Variants in WDR73 observed in about 807,000 individuals in gnomAD.
WDR73 encodes the protein WD repeat domain 73.
In WDR73, 30 loss-of-function variants were observed where a neutral mutation model predicts 38.2. The observed-to-expected ratio is 0.79, with a 90% CI of 0.59 to 1.06. The LOEUF (loss-of-function observed/expected upper bound fraction) is 1.06, where lower values mean the gene tolerates loss of function less well. Ranked by LOEUF, WDR73 falls within the 50% of genes least tolerant of loss-of-function variation. The probability of loss-of-function intolerance (pLI) is 0.00; values close to 1 mark genes in which losing one functional copy is unlikely to be tolerated. For synonymous variants in WDR73, 197 were observed against 176.0 expected (o/e 1.12, Z -0.94); for missense variants, 487 against 467.0 (o/e 1.04, Z -0.40).
chr15:84,652,519 C>T lies in WDR73; in HGVS notation c.198+195G>A, dbSNP rs1896655914. 2.0e-5 allele frequency among the ~76,000 whole-genome samples: 3 copies of T among 152,172 alleles called. No homozygotes were observed. The South Asian group carries it at 6.2e-4, about 31-fold the overall frequency. ...ATAACTGACCTCCTCCTCTGATAGC[C>T]CTCTGTAAACCACGAGACATTCTAC... On this transcript the variant is annotated intron_variant, in intron 3 of 7. Transcript: ENST00000434634.
chr15:84,646,170 A>G lies in WDR73; in HGVS notation c.517+14T>C. On this transcript the variant is annotated intron_variant, in intron 6 of 7. Coordinates refer to ENST00000434634, the MANE Select transcript of WDR73 (RefSeq NM_032856.5). ...CGGCTGGAGCAGCAAGCAAGGGACA[A>G]AGTACCACGGTACCTGAGGTGTACG... The G allele has an allele frequency of 6.2e-7, 1 of 1,613,356 alleles. No individual in the cohort carries two copies. Among genetic ancestry groups the G allele is most frequent in the East Asian group, 2.2e-5 (1 of 44,872 alleles).
chr15:84,654,198 G>A lies in WDR73; in HGVS notation c.41+36C>T, dbSNP rs559268940. On this transcript the variant is annotated intron_variant, in intron 1 of 7. Transcript: ENST00000434634. ...CCATCCGCCCGCCAGGCAAGCTCCAGGCCCAGCTCCCATGTCCCAGCCCCG... is the reference window on the plus strand; with the variant it reads ...CCATCCGCCCGCCAGGCAAGCTCCAAGCCCAGCTCCCATGTCCCAGCCCCG... 2.5e-6 allele frequency: 4 copies of A among 1,613,786 alleles called. No homozygotes were observed. The African/African-American group carries it at 4.0e-5, about 16-fold the overall frequency.
In WDR73 at chr15:84,645,623, A is replaced by G. The variant is rs1340362123; in HGVS notation, c.731T>C (p.Leu244Pro). The change falls in exon 7 of 8, where the codon CTT (leucine) becomes CCT (proline). Residue 244 changes from leucine to proline, a missense_variant. Coordinates refer to ENST00000434634, the MANE Select transcript of WDR73 (RefSeq NM_032856.5). ...GQGPGPSIAS[L>P]GSDGRLCLLD... ...AAGACAAAGACGCCCATCTGAGCCAAGGCTGGCAATGCTGGGCCCAGGGCC... is the reference window on the plus strand; with the variant it reads ...AAGACAAAGACGCCCATCTGAGCCAGGGCTGGCAATGCTGGGCCCAGGGCC... 1 of 1,609,242 alleles carries G rather than the reference A, an allele frequency of 6.2e-7. No individual in the cohort carries two copies. Among genetic ancestry groups the G allele is most frequent in the Admixed American group, 1.7e-5 (1 of 58,962 alleles).
At chr15:84,646,463 C>A in intron 5 of WDR73, 115 bp from the exon 6 acceptor site, 1 of 1,469,654 alleles carries the variant, frequency 6.8e-7, no homozygotes, top group Non-Finnish European at 9.0e-7. Flanking sequence ...AAGGAGCTGC[C>A]GGCTGGCAAG....
At position 84,640,318 on chromosome 15, in the gene WDR73, G is replaced by A. The variant is rs1407561490; in HGVS notation, c.*3152C>T. ...AATGGCCTCATCGGGGGAAAAATTG[G>A]TGACAACTTTAAGAAATACTGTTTA... On this transcript the variant is annotated 3_prime_UTR_variant, in exon 8 of 8. Coordinates refer to ENST00000434634, the MANE Select transcript of WDR73 (RefSeq NM_032856.5). The A allele has an allele frequency of 1.3e-5, 2 of 152,302 alleles. No individual in the cohort carries two copies. The highest frequency in any genetic ancestry group is 4.8e-5 in the African/African-American group (2 of 41,554). 9.4% of individuals were successfully genotyped at this position (152,302 alleles called of 1,614,324 possible).
intron 7 of WDR73, chr15:84,644,010 G>A (rs973399554): frequency 1.2e-5 from 4 of 324,672 alleles, no homozygotes; most frequent in Non-Finnish European, 2.3e-5. Context: ...TCTGCCCTCA[G>A]TGTTGGCAGC....
At chr15:84,651,710 ACTAGTTG>A (rs1446123920) in intron 3 of WDR73, among the ~76,000 whole-genome samples, 1 of 152,094 alleles carries the variant, frequency 6.6e-6, no homozygotes, top group African/African-American at 2.4e-5. Flanking sequence ...TGTGTTTCCG[ACTAGTTG>A]CTGCTTTAGC....
chr15:84,650,522 G>A (rs543295707), intron 3 of WDR73, among the ~76,000 whole-genome samples: 21 of 152,210 alleles, frequency 1.4e-4, no homozygotes, highest in African/African-American at 2.6e-4. Flanking sequence ...CACCACACCC[G>A]GCTAATTTTT....
intron 3 of WDR73, 29 bp downstream of exon 3, chr15:84,652,685 A>G (rs1409963722): frequency 7.9e-7 from 1 of 1,270,856 alleles, no homozygotes; most frequent in East Asian, 2.6e-5. Flanking sequence ...ATAAAAGTTG[A>G]CATACTCAGC....
Position 84,654,229 on chromosome 15 carries a change from T to G in WDR73, c.41+5A>C, listed in dbSNP as rs751919368. 1.2e-6 allele frequency: 2 copies of G among 1,613,854 alleles called. No individual in the cohort carries two copies. The highest frequency in any genetic ancestry group is 2.2e-5 in the South Asian group (2 of 91,072). The stretch of plus-strand genomic sequence containing the variant: ...GCTCCCATGTCCCAGCCCCGTACGA[T>G]TTACAAGCGCAAGGATTCCACCAGC... On this transcript the variant is annotated splice_donor_5th_base_variant and intron_variant, in intron 1 of 7. Coordinates refer to ENST00000434634, the MANE Select transcript of WDR73 (RefSeq NM_032856.5).
In WDR73 at chr15:84,645,710, C is replaced by T. The variant is rs779449451; in HGVS notation, c.644G>A (p.Arg215His). 27 of 1,609,416 alleles carry T rather than the reference C, an allele frequency of 1.7e-5. No individual in the cohort carries two copies. Among genetic ancestry groups the T allele is most frequent in the East Asian group, 1.1e-4 (5 of 44,668 alleles). ...TCCACCAGACCCAGGGCCAGGGCTG[C>T]GATTCTCCAACGGTGCCCACTTCTG... ...TRQKWAPLEN[R>H]SPGPGSGGER... The change falls in exon 7 of 8, where the codon CGC becomes CAC. Residue 215 changes from arginine to histidine, a missense_variant. Transcript: ENST00000434634.
In WDR73 at chr15:84,643,912, T is replaced by TA. The variant is rs1896356359; in HGVS notation, c.884-190dup. ...GATTACAGGCACCCAGCCCCTAAAATACTTTTTATAATTTGTTCTATGGTA... is the reference window on the plus strand; with the variant it reads ...GATTACAGGCACCCAGCCCCTAAAATAACTTTTTATAATTTGTTCTATGGTA... On this transcript the variant is annotated intron_variant, in intron 7 of 7. Coordinates refer to ENST00000434634, the MANE Select transcript of WDR73 (RefSeq NM_032856.5). The TA allele has an allele frequency of 1.3e-5, 8 of 634,074 alleles. No individual in the cohort carries two copies. In the South Asian group the frequency reaches 1.9e-4, roughly 15 times the overall value. The allele number at this position is 634,074 out of a possible 1,614,324, so 39.3% of individuals were successfully genotyped here. A position where few individuals can be genotyped will look rare whatever the true frequency, so the allele number is the denominator to read the frequency against.
Position 84,643,805 on chromosome 15 carries a change from T to C in WDR73, c.884-82A>G, listed in dbSNP as rs556062753. 2.1e-6 allele frequency: 3 copies of C among 1,419,956 alleles called. No individual in the cohort carries two copies. The Admixed American group carries it at 8.0e-5, about 38-fold the overall frequency. The allele number at this position is 1,419,956 out of a possible 1,614,324, so 88.0% of individuals were successfully genotyped here. ...ATTTTCTTTCTATTTTTAATAGAGA[T>C]GGGGTTTCACCATGTTGACCAGGAT... is the stretch of plus-strand genomic sequence containing the variant. On this transcript the variant is annotated intron_variant, in intron 7 of 7. Transcript: ENST00000434634.
chr15:84,646,608 A>T (rs1430273090), intron 5 of WDR73: 6 of 373,450 alleles, frequency 1.6e-5, no homozygotes, highest in Non-Finnish European at 2.3e-5. Flanking sequence ...AAAACCCAAA[A>T]AGCAATTCTG....
intron 7 of WDR73, 123 bp from the exon 8 acceptor site, chr15:84,643,846 G>T: frequency 1.7e-6 from 2 of 1,180,344 alleles, no homozygotes; most frequent in Non-Finnish European, 2.3e-6. Context: ...TGAACTCCTA[G>T]CCTCAAGCGA....
At position 84,641,291 on chromosome 15, in the gene WDR73, A is replaced by G. The variant is rs1352673212; in HGVS notation, c.*2179T>C. ...GGAAATGAATGGGAGCTAGCATTCC[A>G]CCAACAAAGTCAGCCCTGGGATTCT... On this transcript the variant is annotated 3_prime_UTR_variant, in exon 8 of 8. Transcript: ENST00000434634. 6.6e-6 allele frequency: 1 copy of G among 152,120 alleles called. No homozygotes were observed. Among genetic ancestry groups the G allele is most frequent in the Non-Finnish European group, 1.5e-5 (1 of 68,032 alleles). The allele number at this position is 152,120 out of a possible 1,614,324, so 9.4% of individuals were successfully genotyped here.
At chr15:84,650,432 C>T (rs1896586847) in intron 3 of WDR73, among the ~76,000 whole-genome samples, 1 of 152,110 alleles carries the variant, frequency 6.6e-6, no homozygotes, top group African/African-American at 2.4e-5. Flanking sequence ...TTGATGTTGG[C>T]TCACTGCAAG....
chr15:84,648,455 T>C, intron 4 of WDR73, 82 bp downstream of exon 4: 1 of 950,966 alleles, frequency 1.1e-6, no homozygotes, highest in Admixed American at 1.7e-5. Flanking sequence ...GGAATGGAGA[T>C]GAGGAGGCAG....
rs978782152 is a variant in WDR73, at chr15:84,639,837, CAGCTGT to C, written c.*3627_*3632del. 2 of 152,234 alleles carry C rather than the reference CAGCTGT, an allele frequency of 1.3e-5. No homozygotes were observed. The highest frequency in any genetic ancestry group is 2.9e-5 in the Non-Finnish European group (2 of 68,092). 9.4% of individuals were successfully genotyped at this position (152,234 alleles called of 1,614,324 possible). The stretch of plus-strand genomic sequence containing the variant: ...CCAGGTGTACCGGATTATGGCTGAG[CAGCTGT>C]GAGAACATGGCTTCCTGTGGACCCT... On this transcript the variant is annotated 3_prime_UTR_variant, in exon 8 of 8. Coordinates refer to ENST00000434634, the MANE Select transcript of WDR73 (RefSeq NM_032856.5).
Sources: allele counts gnomAD v4.1 joint callset (sites outside exome capture counted in the v4.1 genomes callset), GRCh38; gene constraint gnomAD v4.1.1; transcripts MANE v1.5; gene names NCBI Gene and HGNC (gene_info 2026-07-23, HGNC 2026-07-21).